DCUN1D2: variants seen among roughly 807,000 people sequenced by gnomAD.
The protein encoded by DCUN1D2 is defective in cullin neddylation 1 domain containing 2, also known as DCN1-like protein 2.
In DCUN1D2, 29 loss-of-function variants were observed where a neutral mutation model predicts 30.9. That is an observed-to-expected ratio of 0.94 (90% CI 0.70 to 1.28). The LOEUF (loss-of-function observed/expected upper bound fraction) is 1.28. Ranked by LOEUF, DCUN1D2 falls within the 50% of genes most tolerant of loss-of-function variation. DCUN1D2 has a pLI of 0.00. For missense variants in DCUN1D2, 325 were observed against 316.9 expected, an observed-to-expected ratio of 1.03 and a Z score of -0.19; for synonymous variants, 121 against 115.3, an observed-to-expected ratio of 1.05 and a Z score of -0.32.
Position 113,488,026 on chromosome 13 carries a change from C to T in DCUN1D2, c.3+2641G>A, listed in dbSNP as rs1330574456. Among the ~76,000 whole-genome samples the T allele has an allele frequency of 1.3e-5, 2 of 152,158 alleles. No individual in the cohort carries two copies. The highest frequency in any genetic ancestry group is 2.9e-5 in the Non-Finnish European group (2 of 68,022). On this transcript the variant is annotated intron_variant, in intron 1 of 6. Coordinates refer to ENST00000478244, the MANE Select transcript of DCUN1D2 (RefSeq NM_001014283.2). The surrounding 1 kb of genome is among the most constrained non-coding windows in gnomAD (Gnocchi z 4.3). The stretch of plus-strand genomic sequence containing the variant: ...ATGGTGTCTGATCTTGAGCTCCTGC[C>T]GATAACCCCTTGAAGCCTCCCCTAA...
chr13:113,481,890 G>T (rs1221153342), intron 2 of DCUN1D2, among the ~76,000 whole-genome samples: 1 of 146,882 alleles, frequency 6.8e-6, no homozygotes, highest in East Asian at 2.0e-4. Context: ...AGAAAAATTG[G>T]TAACAAAATG....
chr13:113,461,178 C>CT, intron 4 of DCUN1D2, 42 bp from the exon 5 acceptor site: 1 of 1,249,966 alleles, frequency 8.0e-7, no homozygotes, highest in Non-Finnish European at 1.2e-6. Context: ...ATCTCACTCT[C>CT]TTTTTCTACT....
Position 113,457,924 on chromosome 13 carries a change from T to G in DCUN1D2, c.*105A>C, listed in dbSNP as rs1026400057. 5.5e-4 allele frequency: 616 copies of G among 1,110,734 alleles called. No homozygotes were observed. The highest frequency in any genetic ancestry group is 3.3e-3 in the Admixed American group (180 of 53,896). 68.8% of individuals were successfully genotyped at this position (1,110,734 alleles called of 1,614,324 possible). ...ATGGCGCCTCTGGTTTCATGGCTGGTCAAGAATGACTTCTGGAATCAGCGA... is the reference window on the plus strand; with the variant it reads ...ATGGCGCCTCTGGTTTCATGGCTGGGCAAGAATGACTTCTGGAATCAGCGA... On this transcript the variant is annotated 3_prime_UTR_variant, in exon 7 of 7. Coordinates refer to ENST00000478244, the MANE Select transcript of DCUN1D2 (RefSeq NM_001014283.2).
At chr13:113,464,395 G>A (rs1435107780) in intron 4 of DCUN1D2, among the ~76,000 whole-genome samples, 4 of 152,320 alleles carry the variant, frequency 2.6e-5, no homozygotes, top group Middle Eastern at 3.4e-3. Context: ...GAACATGGTA[G>A]GTCCTGAATC....
In DCUN1D2 at chr13:113,486,092, G is replaced by C. The variant is rs1037013630; in HGVS notation, c.4-2036C>G. 3.9e-5 allele frequency among the ~76,000 whole-genome samples: 6 copies of C among 152,002 alleles called. 1 individual carries two copies. The highest frequency in any genetic ancestry group is 8.8e-5 in the Non-Finnish European group (6 of 67,994). On this transcript the variant is annotated intron_variant, in intron 1 of 6. Coordinates refer to ENST00000478244, the MANE Select transcript of DCUN1D2 (RefSeq NM_001014283.2). Reference sequence around the variant, plus strand: ...CACACAAACAAGAACTCTCATTTAAGAATGACTGGGGTTCCAATCATTCTT... The same window carrying C: ...CACACAAACAAGAACTCTCATTTAACAATGACTGGGGTTCCAATCATTCTT...
intron 4 of DCUN1D2, among the ~76,000 whole-genome samples, chr13:113,461,701 T>G (rs76173393): frequency 0.019 from 2,891 of 152,334 alleles, 85 homozygotes; most frequent in East Asian, 0.084. Flanking sequence ...CACTGATGCA[T>G]CTACACAGGA....
Position 113,457,777 on chromosome 13 carries a change from C to T in DCUN1D2, c.*252G>A, listed in dbSNP as rs1253838150. ...ATTTTGTAAATATTAAAAAATCATG[C>T]AGAAATTTCCTAACGCAAAAGCTAT... On this transcript the variant is annotated 3_prime_UTR_variant, in exon 7 of 7. Transcript: ENST00000478244. 4.7e-5 allele frequency: 21 copies of T among 443,292 alleles called. No homozygotes were observed. Among genetic ancestry groups the T allele is most frequent in the Middle Eastern group, 6.0e-4 (1 of 1,674 alleles). 27.5% of individuals were successfully genotyped at this position (443,292 alleles called of 1,614,324 possible).
chr13:113,490,713 C>T, upstream of DCUN1D2: 1 of 1,196,040 alleles, frequency 8.4e-7, no homozygotes, highest in East Asian at 3.8e-5. The surrounding 1 kb of genome is among the most constrained non-coding windows in gnomAD (Gnocchi z 5.2). Context: ...GCCTTCTGCG[C>T]AGGCGCGGCG....
At chr13:113,489,595 C>T (rs922354878) in intron 1 of DCUN1D2, among the ~76,000 whole-genome samples, 3 of 152,070 alleles carry the variant, frequency 2.0e-5, no homozygotes, top group Admixed American at 6.6e-5. Flanking sequence ...CTTGTCCTCA[C>T]CCTCCACTCC....
intron 3 of DCUN1D2, chr13:113,480,349 G>A (rs1176477226): frequency 5.0e-6 from 2 of 401,110 alleles, no homozygotes; most frequent in Non-Finnish European, 8.7e-6. Context: ...GTTACAAAAG[G>A]GATTAATATG....
intron 4 of DCUN1D2, among the ~76,000 whole-genome samples, chr13:113,469,972 A>G (rs192082857): frequency 6.6e-6 from 1 of 152,322 alleles, no homozygotes; most frequent in African/African-American, 2.4e-5. Flanking sequence ...AGGAAATCAC[A>G]CTCAAGAATT....
Position 113,478,254 on chromosome 13 carries a change from T to A in DCUN1D2, c.389+2321A>T, listed in dbSNP as rs1056078113. 3.9e-5 allele frequency among the ~76,000 whole-genome samples: 6 copies of A among 152,330 alleles called. No homozygotes were observed. In the East Asian group the frequency reaches 7.7e-4, roughly 20 times the overall value. On this transcript the variant is annotated intron_variant, in intron 3 of 6. Transcript: ENST00000478244. The stretch of plus-strand genomic sequence containing the variant: ...TTACAGAACTATTAAGATGTTCTAT[T>A]TCTTCATGTGTCAGTTTTAGTAAAT...
Position 113,455,980 on chromosome 13 carries a change from A to G in DCUN1D2, c.*2049T>C. On this transcript the variant is annotated 3_prime_UTR_variant, in exon 7 of 7. Coordinates refer to ENST00000478244, the MANE Select transcript of DCUN1D2 (RefSeq NM_001014283.2). Reference sequence around the variant, plus strand: ...ACAATCCCTTAGAACTTTAAATCTCAAAAACAAAAAAGTACTGTGGATCTC... The same window carrying G: ...ACAATCCCTTAGAACTTTAAATCTCGAAAACAAAAAAGTACTGTGGATCTC... 1 of 380,996 alleles carries G rather than the reference A, an allele frequency of 2.6e-6. No individual in the cohort carries two copies. The highest frequency in any genetic ancestry group is 4.6e-6 in the Non-Finnish European group (1 of 215,844). 23.6% of individuals were successfully genotyped at this position (380,996 alleles called of 1,614,324 possible). A position where few individuals can be genotyped will look rare whatever the true frequency, so the allele number is the denominator to read the frequency against.
intron 5 of DCUN1D2, among the ~76,000 whole-genome samples, chr13:113,460,671 A>C (rs1231418205): frequency 6.6e-6 from 1 of 152,244 alleles, no homozygotes; most frequent in Non-Finnish European, 1.5e-5. Context: ...ACCAGTCCAC[A>C]GAAGTGTGGC....
At position 113,474,135 on chromosome 13, in the gene DCUN1D2, T is replaced by C; in HGVS notation, c.509A>G (p.Gln170Arg). 1 of 1,613,964 alleles carries C rather than the reference T, an allele frequency of 6.2e-7. No homozygotes were observed. Among genetic ancestry groups the C allele is most frequent in the Non-Finnish European group, 8.5e-7 (1 of 1,179,834 alleles). ...FTFTFAKNPG[Q>R]KGLDLEMAVA... Reference sequence around the variant, plus strand: ...GATTTCATACTCACCTAAACCTTTCTGCCCTGGGTTCTTAGCGAAGGTGAA... The same window carrying C: ...GATTTCATACTCACCTAAACCTTTCCGCCCTGGGTTCTTAGCGAAGGTGAA... The change falls in exon 4 of 7, where the codon CAG becomes CGG. Residue 170 changes from glutamine to arginine, a missense_variant. By Grantham distance (43) the Gln-to-Arg change is conservative. Coordinates refer to ENST00000478244, the MANE Select transcript of DCUN1D2 (RefSeq NM_001014283.2).
chr13:113,456,159 C>T lies in DCUN1D2; in HGVS notation c.*1870G>A, dbSNP rs1300515317. ...TATTAGACAAATGCTCTCTGAGAATCGAAGACTTCTAAAGGTAGACAGGCC... is the reference window on the plus strand; with the variant it reads ...TATTAGACAAATGCTCTCTGAGAATTGAAGACTTCTAAAGGTAGACAGGCC... On this transcript the variant is annotated 3_prime_UTR_variant, in exon 7 of 7. Transcript: ENST00000478244. The T allele has an allele frequency of 7.5e-6, 3 of 398,430 alleles. No homozygotes were observed. Among genetic ancestry groups the T allele is most frequent in the Admixed American group, 8.8e-5 (2 of 22,718 alleles). 24.7% of individuals were successfully genotyped at this position (398,430 alleles called of 1,614,324 possible).
chr13:113,483,189 G>A (rs889367696), intron 2 of DCUN1D2, among the ~76,000 whole-genome samples: 4 of 152,170 alleles, frequency 2.6e-5, no homozygotes, highest in African/African-American at 4.8e-5. Flanking sequence ...GTGGATCTGC[G>A]TATGCTCATC....
At chr13:113,489,130 G>A (rs146986297) in intron 1 of DCUN1D2, 5 of 981,746 alleles carry the variant, frequency 5.1e-6, no homozygotes, top group East Asian at 2.3e-4. Context: ...AATAAACTAC[G>A]TAAGTTTATG....
At position 113,481,799 on chromosome 13, in the gene DCUN1D2, G is replaced by A. The variant is rs184546601; in HGVS notation, c.221-1056C>T. 3.0e-4 allele frequency among the ~76,000 whole-genome samples: 45 copies of A among 149,808 alleles called. No individual in the cohort carries two copies. In the East Asian group the frequency reaches 4.5e-3, roughly 15 times the overall value. ...CTCGGGGGGCTGAGGCAGGAGAATC[G>A]CTTGAACCCAGGAGGTGGAGGTTGC... On this transcript the variant is annotated intron_variant, in intron 2 of 6. Coordinates refer to ENST00000478244, the MANE Select transcript of DCUN1D2 (RefSeq NM_001014283.2).
Sources: allele counts gnomAD v4.1 joint callset (sites outside exome capture counted in the v4.1 genomes callset), GRCh38; gene constraint gnomAD v4.1.1; non-coding constraint Gnocchi (gnomAD v3.1); transcripts MANE v1.5; gene names NCBI Gene and HGNC (gene_info 2026-07-23, HGNC 2026-07-21).